The following SHISAL1 variants were observed in gnomAD, a reference collection of about 807,000 sequenced individuals.
SHISAL1 encodes shisa like 1.
In SHISAL1, 9 loss-of-function variants were observed where a neutral mutation model predicts 22.6. That is an observed-to-expected ratio of 0.40 (90% CI 0.24 to 0.70). SHISAL1 has a LOEUF of 0.70. Ranked by LOEUF, SHISAL1 falls within the 30% of genes least tolerant of loss-of-function variation. The pLI is 0.39. For synonymous variants in SHISAL1, 119 were observed against 115.4 expected (o/e 1.03, Z -0.20); for missense variants, 246 against 270.6 (o/e 0.91, Z 0.64).
the SHISAL1 span, among the ~76,000 whole-genome samples, chr22:44,331,251 TC>T: frequency 2.0e-5 from 3 of 150,154 alleles, no homozygotes; most frequent in African/African-American, 7.4e-5. The surrounding 1 kb of genome is among the most constrained non-coding windows in gnomAD (Gnocchi z 5.2). Context: ...TCCCCGGTCG[TC>T]CCCAGCCCCT....
chr22:44,322,044 C>T, the SHISAL1 span, among the ~76,000 whole-genome samples: 1 of 152,188 alleles, frequency 6.6e-6, no homozygotes, highest in East Asian at 1.9e-4. Flanking sequence ...CACACCAGCA[C>T]CCCTCCTGAC....
intron 3 of SHISAL1, among the ~76,000 whole-genome samples, chr22:44,289,904 A>G (rs2055341521): frequency 1.3e-5 from 2 of 152,258 alleles, no homozygotes; most frequent in African/African-American, 4.8e-5. Flanking sequence ...TTTATGGAGC[A>G]AGATGTGAAG....
At position 44,249,577 on chromosome 22, in the gene SHISAL1, C is replaced by G; in HGVS notation, c.*108G>C. The G allele has an allele frequency of 1.3e-6, 1 of 747,038 alleles. No individual in the cohort carries two copies. Among genetic ancestry groups the G allele is most frequent in the Middle Eastern group, 2.5e-4 (1 of 3,994 alleles). 46.3% of individuals were successfully genotyped at this position (747,038 alleles called of 1,614,324 possible). On this transcript the variant is annotated 3_prime_UTR_variant, in exon 5 of 5. Transcript: ENST00000381176. ...GCAGCATTTCCTCCTGTGCCACCGC[C>G]GCTACCTCGGCTGTCCCTGGCATCT...
At chr22:44,302,227 C>A (rs1025166290) in intron 1 of SHISAL1, among the ~76,000 whole-genome samples, 1 of 151,528 alleles carries the variant, frequency 6.6e-6, no homozygotes, top group African/African-American at 2.4e-5. Flanking sequence ...GTAGTCCCAG[C>A]TACTTGGGAG....
At position 44,307,137 on chromosome 22, in the gene SHISAL1, G is replaced by A. The variant is rs139097501; in HGVS notation, c.-33+5614C>T. ...CAAGAACAGGCCTGGAAGGGCGTCC[G>A]CCGTCCTCCATCCTCCTGTGGGCCT... On this transcript the variant is annotated intron_variant, in intron 1 of 4. Transcript: ENST00000381176. 1.3e-3 allele frequency among the ~76,000 whole-genome samples: 205 copies of A among 152,274 alleles called. 1 individual carries two copies. Among genetic ancestry groups the A allele is most frequent in the Non-Finnish European group, 1.9e-3 (131 of 68,004 alleles).
intron 1 of SHISAL1, among the ~76,000 whole-genome samples, chr22:44,306,682 G>A (rs2055479010): frequency 6.9e-6 from 1 of 143,886 alleles, no homozygotes; most frequent in Non-Finnish European, 1.5e-5. Flanking sequence ...TGACGATGGT[G>A]TGTGTGGAAG....
At chr22:44,328,480 T>C in the SHISAL1 span, among the ~76,000 whole-genome samples, 1 of 152,034 alleles carries the variant, frequency 6.6e-6, no homozygotes, top group Non-Finnish European at 1.5e-5. Context: ...GAGGGTGCAA[T>C]TGTGAGCCTG....
At chr22:44,282,419 C>T (rs1474272363) in intron 4 of SHISAL1, among the ~76,000 whole-genome samples, 3 of 152,208 alleles carry the variant, frequency 2.0e-5, no homozygotes, top group Non-Finnish European at 4.4e-5. Context: ...CTGTCTCTGT[C>T]CCCCCTGCGG....
upstream of SHISAL1, among the ~76,000 whole-genome samples, chr22:44,315,908 G>A (rs1477585337): frequency 6.6e-6 from 1 of 152,016 alleles, no homozygotes; most frequent in Non-Finnish European, 1.5e-5. Context: ...TGGCAGGATG[G>A]GTCTCCATCC....
At position 44,307,810 on chromosome 22, in the gene SHISAL1, C is replaced by T. The variant is rs190038942; in HGVS notation, c.-33+4941G>A. Among the ~76,000 whole-genome samples the T allele has an allele frequency of 4.6e-5, 7 of 152,316 alleles. No homozygotes were observed. In the East Asian group the frequency reaches 7.7e-4, roughly 17 times the overall value. On this transcript the variant is annotated intron_variant, in intron 1 of 4. Coordinates refer to ENST00000381176, the MANE Select transcript of SHISAL1 (RefSeq NM_001099294.2). ...CAGAGCTGGGAAGATGAATTAAACC[C>T]CACCAGGAACAGCAACGGATCTGTT... is the stretch of plus-strand genomic sequence containing the variant.
chr22:44,326,607 T>TA, the SHISAL1 span, among the ~76,000 whole-genome samples: 2 of 152,120 alleles, frequency 1.3e-5, no homozygotes, highest in African/African-American at 2.4e-5. Context: ...ACTCATGCAT[T>TA]ATTTCTTAAT....
upstream of SHISAL1, among the ~76,000 whole-genome samples, chr22:44,315,873 T>A (rs905172828): frequency 6.6e-6 from 1 of 152,002 alleles, no homozygotes; most frequent in African/African-American, 2.4e-5. Context: ...AGGCAGCAGT[T>A]CCCCGGCCTC....
At chr22:44,312,177 G>A (rs185314641) in intron 1 of SHISAL1, among the ~76,000 whole-genome samples, 47 of 152,280 alleles carry the variant, frequency 3.1e-4, no homozygotes, top group Middle Eastern at 3.4e-3. Flanking sequence ...AGGCGTATTC[G>A]GAGGGGCCAA....
chr22:44,308,469 C>T (rs911525297), intron 1 of SHISAL1, among the ~76,000 whole-genome samples: 2 of 152,240 alleles, frequency 1.3e-5, no homozygotes, highest in African/African-American at 4.8e-5. Context: ...TGGGCCTTTA[C>T]TCATGCTGTT....
In SHISAL1 at chr22:44,244,731, C is replaced by T. The variant is rs1201576174; in HGVS notation, c.*4954G>A. 5 of 152,182 alleles carry T rather than the reference C, an allele frequency of 3.3e-5. No homozygotes were observed. Among genetic ancestry groups the T allele is most frequent in the Non-Finnish European group, 7.3e-5 (5 of 68,038 alleles). 9.4% of individuals were successfully genotyped at this position (152,182 alleles called of 1,614,324 possible). A position where few individuals can be genotyped will look rare whatever the true frequency, so the allele number is the denominator to read the frequency against. ...ATAGCAGGAATGGCTCCCAGATGGG[C>T]CCTGGGTACAGGGCCAGGCAAGTGG... is the stretch of plus-strand genomic sequence containing the variant. On this transcript the variant is annotated 3_prime_UTR_variant, in exon 5 of 5. Coordinates refer to ENST00000381176, the MANE Select transcript of SHISAL1 (RefSeq NM_001099294.2).
intron 1 of SHISAL1, among the ~76,000 whole-genome samples, chr22:44,308,242 G>A (rs897199485): frequency 6.6e-5 from 10 of 152,218 alleles, no homozygotes; most frequent in East Asian, 1.9e-4. Context: ...GCCTGGCCAC[G>A]TGCTTCTTGC....
At chr22:44,267,112 G>C (rs762201000) in intron 4 of SHISAL1, among the ~76,000 whole-genome samples, 1 of 152,060 alleles carries the variant, frequency 6.6e-6, no homozygotes, top group Non-Finnish European at 1.5e-5. Context: ...GACATCGCAG[G>C]AGCGACAGGC....
chr22:44,303,289 C>T (rs2055445937), intron 1 of SHISAL1, among the ~76,000 whole-genome samples: 1 of 151,992 alleles, frequency 6.6e-6, no homozygotes, highest in Non-Finnish European at 1.5e-5. Context: ...ATGTTGAAGT[C>T]CTAACTCCCA....
At position 44,246,699 on chromosome 22, in the gene SHISAL1, C is replaced by T. The variant is rs1424833572; in HGVS notation, c.*2986G>A. 6.6e-6 allele frequency: 1 copy of T among 151,874 alleles called. No homozygotes were observed. The highest frequency in any genetic ancestry group is 2.4e-5 in the African/African-American group (1 of 41,436). 9.4% of individuals were successfully genotyped at this position (151,874 alleles called of 1,614,324 possible). On this transcript the variant is annotated 3_prime_UTR_variant, in exon 5 of 5. Transcript: ENST00000381176. ...CACTGAGTGTTCACACCCACATGCA[C>T]ACTGTTCTCACCTGTCGGCTCCTCT... is the stretch of plus-strand genomic sequence containing the variant.
Sources: allele counts gnomAD v4.1 joint callset (sites outside exome capture counted in the v4.1 genomes callset), GRCh38; gene constraint gnomAD v4.1.1; non-coding constraint Gnocchi (gnomAD v3.1); transcripts MANE v1.5; gene names NCBI Gene and HGNC (gene_info 2026-07-23, HGNC 2026-07-21).